The following FILIP1L variants were observed in gnomAD, a reference collection of about 807,000 sequenced individuals.
The protein encoded by FILIP1L is filamin A interacting protein 1 like.
In FILIP1L, 55 loss-of-function variants were observed where a neutral mutation model predicts 96.6. That is an observed-to-expected ratio of 0.57 (90% confidence interval 0.46 to 0.71). FILIP1L has a LOEUF of 0.71. FILIP1L is among the 30% of genes least tolerant of loss of function. The probability of loss-of-function intolerance (pLI) is 0.00; values close to 1 mark genes in which losing one functional copy is unlikely to be tolerated. For missense variants in FILIP1L, 1,304 were observed against 1,321.2 expected, an observed-to-expected ratio of 0.99 and a Z score of 0.20; for synonymous variants, 467 against 473.9, an observed-to-expected ratio of 0.99 and a Z score of 0.19.
chr3:99,922,602 C>G (rs191136777), intron 4 of FILIP1L, among the ~76,000 whole-genome samples: 49 of 152,232 alleles, frequency 3.2e-4, no homozygotes, highest in African/African-American at 1.2e-3. Flanking sequence ...CTTAAGTTAC[C>G]TAGCTGAAGT....
intron 4 of FILIP1L, among the ~76,000 whole-genome samples, chr3:99,911,315 A>T (rs768996613): frequency 3.4e-5 from 5 of 148,340 alleles, no homozygotes; most frequent in Non-Finnish European, 7.4e-5. Flanking sequence ...TTGTTATTAT[A>T]TATTATATAA....
chr3:100,054,276 T>C (rs939992384), intron 1 of FILIP1L, among the ~76,000 whole-genome samples: 1 of 152,174 alleles, frequency 6.6e-6, no homozygotes, highest in Non-Finnish European at 1.5e-5. Flanking sequence ...TGATGGTTTT[T>C]TGAAAGAACA....
intron 1 of FILIP1L, among the ~76,000 whole-genome samples, chr3:99,968,010 A>C (rs1389190109): frequency 1.3e-5 from 2 of 152,232 alleles, no homozygotes; most frequent in East Asian, 1.9e-4. Flanking sequence ...TCATGTACCA[A>C]GCAGTATGCT....
intron 1 of FILIP1L, among the ~76,000 whole-genome samples, chr3:99,938,985 C>T (rs1707777063): frequency 6.6e-6 from 1 of 152,068 alleles, no homozygotes; most frequent in Admixed American, 6.5e-5. Context: ...CTTTTTTCTC[C>T]CATTTTCAGT....
intron 4 of FILIP1L, among the ~76,000 whole-genome samples, chr3:99,877,618 T>G (rs1433805159): frequency 2.0e-5 from 3 of 152,216 alleles, no homozygotes; most frequent in African/African-American, 7.2e-5. Context: ...GATTTGCAAT[T>G]GTGTACTAAC....
At chr3:100,018,849 A>G (rs1710420996) in intron 1 of FILIP1L, among the ~76,000 whole-genome samples, 1 of 152,174 alleles carries the variant, frequency 6.6e-6, no homozygotes, top group African/African-American at 2.4e-5. Context: ...CTACAACTCA[A>G]TAACAAAAAA....
At chr3:99,977,514 T>C (rs775660397) in intron 1 of FILIP1L, among the ~76,000 whole-genome samples, 1 of 152,102 alleles carries the variant, frequency 6.6e-6, no homozygotes, top group Non-Finnish European at 1.5e-5. Flanking sequence ...TATACCTAAA[T>C]TACTTGTTTT....
intron 4 of FILIP1L, among the ~76,000 whole-genome samples, chr3:99,916,049 TG>T (rs978964135): frequency 6.6e-6 from 1 of 152,218 alleles, no homozygotes; most frequent in Non-Finnish European, 1.5e-5. Flanking sequence ...GACTGGGCCA[TG>T]GGATGTCTGA....
rs1483037483 is a variant in FILIP1L, at chr3:100,066,676, C to T, written c.-11+47377G>A. The stretch of plus-strand genomic sequence containing the variant: ...CCTCCCAAGTAGCTGGGACTACAGG[C>T]GCCCGCCACTACGCCCGGCTAATTT... On this transcript the variant is annotated intron_variant, in intron 1 of 5. Coordinates refer to ENST00000477258, the MANE Select transcript of FILIP1L (RefSeq NM_001387850.1). Among the ~76,000 whole-genome samples the T allele has an allele frequency of 3.1e-5, 4 of 130,846 alleles. 1 individual carries two copies. The highest frequency in any genetic ancestry group is 5.0e-5 in the Non-Finnish European group (3 of 59,422). The allele number at this position is 130,846 out of a possible 152,430, so 85.8% of individuals were successfully genotyped here.
At chr3:99,975,199 C>A (rs537034817) in intron 1 of FILIP1L, among the ~76,000 whole-genome samples, 2 of 152,322 alleles carry the variant, frequency 1.3e-5, no homozygotes, top group Non-Finnish European at 1.5e-5. Flanking sequence ...AAAGGAATTT[C>A]TATTTGTTCA....
At chr3:99,848,165 C>G (rs1576507408) in intron 5 of FILIP1L, 130 bp downstream of exon 5, 2 of 1,531,722 alleles carry the variant, frequency 1.3e-6, no homozygotes, top group East Asian at 4.5e-5. Flanking sequence ...ATGCACAAAC[C>G]TTCCCAAAGT....
chr3:100,042,701 G>GT (rs932516016), intron 1 of FILIP1L, among the ~76,000 whole-genome samples: 6 of 151,990 alleles, frequency 3.9e-5, no homozygotes, highest in East Asian at 1.9e-4. Flanking sequence ...TAGAGAACAG[G>GT]TTTTTTTTCT....
chr3:100,056,408 A>G (rs372056428), intron 1 of FILIP1L, among the ~76,000 whole-genome samples: 107 of 152,342 alleles, frequency 7.0e-4, no homozygotes, highest in Middle Eastern at 6.8e-3. Context: ...CTTATTTTAA[A>G]CAAAAGTGAT....
intron 1 of FILIP1L, among the ~76,000 whole-genome samples, chr3:100,027,477 T>A (rs1302206228): frequency 6.6e-6 from 1 of 152,172 alleles, no homozygotes; most frequent in African/African-American, 2.4e-5. Context: ...CTCCAGCAGC[T>A]CCTTGTAGCT....
At chr3:100,066,991 C>T (rs1173522673) in intron 1 of FILIP1L, among the ~76,000 whole-genome samples, 1 of 152,118 alleles carries the variant, frequency 6.6e-6, no homozygotes, top group Non-Finnish European at 1.5e-5. Context: ...ATGTGTGTCC[C>T]ATACACATAT....
chr3:99,892,041 G>A (rs1346945638), intron 4 of FILIP1L, among the ~76,000 whole-genome samples: 2 of 152,126 alleles, frequency 1.3e-5, no homozygotes, highest in African/African-American at 4.8e-5. Flanking sequence ...AAACACATTA[G>A]TCAGAGCCTG....
intron 1 of FILIP1L, among the ~76,000 whole-genome samples, chr3:100,097,629 T>C (rs1559756650): frequency 6.6e-6 from 1 of 152,246 alleles, no homozygotes; most frequent in Non-Finnish European, 1.5e-5. Flanking sequence ...TGCACTCTGT[T>C]TTTAAAGCCA....
intron 4 of FILIP1L, among the ~76,000 whole-genome samples, chr3:99,853,816 T>C (rs1470046342): frequency 6.6e-6 from 1 of 152,218 alleles, no homozygotes; most frequent in Non-Finnish European, 1.5e-5. Context: ...GTCAGCTGTC[T>C]AGTCTAGTAA....
intron 4 of FILIP1L, among the ~76,000 whole-genome samples, chr3:99,854,675 A>C (rs1010219272): frequency 1.3e-5 from 1 of 78,872 alleles, no homozygotes; most frequent in African/African-American, 6.4e-5. Context: ...GACATTGCCA[A>C]ATGTCTCCTG....
Sources: gnomAD v4.1 joint callset for allele counts (sites outside exome capture counted in the v4.1 genomes callset) on GRCh38, gnomAD v4.1.1 for gene constraint, MANE v1.5 for transcripts, NCBI Gene and HGNC (gene_info 2026-07-23, HGNC 2026-07-21) for gene names.